MTPN: variants seen among roughly 807,000 people sequenced by gnomAD.
MTPN encodes the protein myotrophin.
A neutral mutation model predicts 13.5 loss-of-function variants in MTPN; 2 were observed. That is an observed-to-expected ratio of 0.15 (90% CI 0.06 to 0.47). The LOEUF (loss-of-function observed/expected upper bound fraction) is 0.47. MTPN is among the 20% of genes least tolerant of loss of function. The pLI is 0.97. For missense variants in MTPN, 79 were observed against 137.9 expected (o/e 0.57, Z 2.14); for synonymous variants, 46 against 51.7 (o/e 0.89, Z 0.48).
At chr7:135,957,352 A>C (rs576198055) in intron 1 of MTPN, among the ~76,000 whole-genome samples, 2 of 152,304 alleles carry the variant, frequency 1.3e-5, no homozygotes, top group South Asian at 4.1e-4. Context: ...ATGAGGATTT[A>C]GATTATAGTG....
At chr7:135,971,354 G>A (rs1210942680) in intron 1 of MTPN, among the ~76,000 whole-genome samples, 1 of 152,210 alleles carries the variant, frequency 6.6e-6, no homozygotes, top group Non-Finnish European at 1.5e-5. Context: ...CTGTAAGCAT[G>A]TTGGATCCTC....
At chr7:135,947,257 G>T (rs991634703) in intron 3 of MTPN, among the ~76,000 whole-genome samples, 1 of 151,950 alleles carries the variant, frequency 6.6e-6, no homozygotes, top group Admixed American at 6.6e-5. Context: ...TTGTTGCTTG[G>T]GGGTACTAGG....
intron 3 of MTPN, among the ~76,000 whole-genome samples, chr7:135,948,510 G>C (rs1214146958): frequency 6.6e-6 from 1 of 152,066 alleles, no homozygotes; most frequent in East Asian, 1.9e-4. Flanking sequence ...CAATAATTTA[G>C]CAACACAGTA....
chr7:135,955,470 T>C (rs1054227077), intron 1 of MTPN, among the ~76,000 whole-genome samples: 3 of 152,194 alleles, frequency 2.0e-5, no homozygotes, highest in African/African-American at 7.2e-5. Flanking sequence ...AGACTCCAGA[T>C]GGCACCACTG....
intron 1 of MTPN, among the ~76,000 whole-genome samples, chr7:135,967,362 GGAA>G (rs777784123): frequency 1.2e-4 from 18 of 152,162 alleles, no homozygotes; most frequent in East Asian, 7.7e-4. Flanking sequence ...TAAAACTTCA[GGAA>G]GAAGAAGAAA....
At chr7:135,965,995 CCA>C (rs944937577) in intron 1 of MTPN, among the ~76,000 whole-genome samples, 2 of 151,712 alleles carry the variant, frequency 1.3e-5, no homozygotes, top group African/African-American at 4.9e-5. Flanking sequence ...TTCAAAAAAC[CCA>C]CAGAATATTA....
At chr7:135,973,332 AAGG>A (rs1211173883) in intron 1 of MTPN, among the ~76,000 whole-genome samples, 2 of 150,884 alleles carry the variant, frequency 1.3e-5, no homozygotes, top group Non-Finnish European at 3.0e-5. Flanking sequence ...AGTAAGAAGA[AAGG>A]AGAGTGAGGA....
intron 3 of MTPN, among the ~76,000 whole-genome samples, chr7:135,940,579 T>C (rs1477748609): frequency 6.6e-6 from 1 of 152,206 alleles, no homozygotes; most frequent in African/African-American, 2.4e-5. Flanking sequence ...CTCCATTTTG[T>C]AGACAGGCTC....
Position 135,945,707 on chromosome 7 carries a change from C to CT in MTPN, c.270+4891dup, listed in dbSNP as rs202170137. On this transcript the variant is annotated intron_variant, in intron 3 of 3. Coordinates refer to ENST00000393085, the MANE Select transcript of MTPN (RefSeq NM_145808.4). ...CATGCCTGAAGTTCTTTTACATTAA[C>CT]TTTTTTTTTAATAAGTAGAAGAAAC... Among the ~76,000 whole-genome samples the CT allele has an allele frequency of 5.2e-3, 788 of 151,394 alleles. 23 individuals are homozygous for CT. The highest frequency in any genetic ancestry group is 0.044 in the Admixed American group (663 of 15,216).
At chr7:135,950,733 C>T in intron 2 of MTPN, 51 bp from the exon 3 acceptor site, 1 of 1,413,094 alleles carries the variant, frequency 7.1e-7, no homozygotes, top group East Asian at 2.3e-5. Flanking sequence ...TTTCTTCCTA[C>T]TTTCTAGTTT....
At chr7:135,965,743 T>C (rs1469278941) in intron 1 of MTPN, among the ~76,000 whole-genome samples, 8 of 152,242 alleles carry the variant, frequency 5.3e-5, no homozygotes, top group Non-Finnish European at 8.8e-5. Flanking sequence ...ACAAAGTTCA[T>C]TGGGTTTAAA....
intron 1 of MTPN, among the ~76,000 whole-genome samples, chr7:135,970,008 G>A (rs1161316776): frequency 6.6e-6 from 1 of 152,200 alleles, no homozygotes; most frequent in Non-Finnish European, 1.5e-5. Context: ...CGAAACTCAT[G>A]AAGAGAGTAA....
At chr7:135,959,123 T>A (rs1199516689) in intron 1 of MTPN, among the ~76,000 whole-genome samples, 1 of 152,176 alleles carries the variant, frequency 6.6e-6, no homozygotes, top group African/African-American at 2.4e-5. Context: ...ATAATTGCTT[T>A]AAAAAGTTGT....
intron 3 of MTPN, among the ~76,000 whole-genome samples, chr7:135,944,879 C>T (rs1380582839): frequency 6.6e-6 from 1 of 152,120 alleles, no homozygotes; most frequent in Non-Finnish European, 1.5e-5. Flanking sequence ...CTAATATATA[C>T]AGCCACATGT....
intron 1 of MTPN, among the ~76,000 whole-genome samples, chr7:135,970,562 A>G (rs1435928388): frequency 6.6e-6 from 1 of 152,170 alleles, no homozygotes; most frequent in African/African-American, 2.4e-5. Flanking sequence ...ACTTTATTCA[A>G]TACAGCTTTG....
chr7:135,958,019 A>G (rs1169758280), intron 1 of MTPN, among the ~76,000 whole-genome samples: 1 of 151,554 alleles, frequency 6.6e-6, no homozygotes. Flanking sequence ...ACTCCTTTGT[A>G]ACAACCCTAA....
intron 3 of MTPN, among the ~76,000 whole-genome samples, chr7:135,933,229 T>G (rs1009229321): frequency 1.3e-5 from 2 of 152,046 alleles, no homozygotes; most frequent in Non-Finnish European, 2.9e-5. Flanking sequence ...TAGCTTTAAA[T>G]AATATACTCA....
intron 1 of MTPN, among the ~76,000 whole-genome samples, chr7:135,953,097 A>C (rs1213429741): frequency 6.6e-6 from 1 of 151,782 alleles, no homozygotes. Context: ...AAACACACAT[A>C]CTCCAAACTC....
At chr7:135,931,119 T>C (rs1799015200) in intron 3 of MTPN, among the ~76,000 whole-genome samples, 1 of 152,172 alleles carries the variant, frequency 6.6e-6, no homozygotes, top group Non-Finnish European at 1.5e-5. Flanking sequence ...TGGGATGCCT[T>C]ATCCTCTTCT....
Sources: gnomAD v4.1 joint callset for allele counts (sites outside exome capture counted in the v4.1 genomes callset) on GRCh38, gnomAD v4.1.1 for gene constraint, MANE v1.5 for transcripts, NCBI Gene and HGNC (gene_info 2026-07-23, HGNC 2026-07-21) for gene names.